Variants in IGSF21 observed in about 807,000 individuals in gnomAD.
The protein encoded by IGSF21 is immunoglobin superfamily member 21.
Under a neutral mutation model 46.8 loss-of-function variants are expected in IGSF21, and 28 were observed. The observed-to-expected ratio is 0.60, with a 90% CI of 0.44 to 0.82. IGSF21 has a LOEUF of 0.82. Ranked by LOEUF, IGSF21 falls within the 40% of genes least tolerant of loss-of-function variation. The pLI is 0.00. For synonymous variants in IGSF21, 284 were observed against 273.6 expected (o/e 1.04, Z -0.38); for missense variants, 624 against 665.5 (o/e 0.94, Z 0.69).
At chr1:18,254,031 T>C (rs2084866827) in intron 2 of IGSF21, among the ~76,000 whole-genome samples, 1 of 152,220 alleles carries the variant, frequency 6.6e-6, no homozygotes, top group Non-Finnish European at 1.5e-5. Flanking sequence ...CTAAGCATTT[T>C]AGACGTGATC....
At chr1:18,180,565 C>T (rs774924095) in intron 1 of IGSF21, among the ~76,000 whole-genome samples, 1 of 152,112 alleles carries the variant, frequency 6.6e-6, no homozygotes, top group African/African-American at 2.4e-5. Context: ...GTTTGGAAGG[C>T]GCAGTTATGG....
intron 1 of IGSF21, among the ~76,000 whole-genome samples, chr1:18,211,921 C>T (rs940158371): frequency 2.6e-5 from 4 of 152,212 alleles, no homozygotes; most frequent in East Asian, 1.9e-4. Flanking sequence ...GTGCAGAAAG[C>T]GAAACAGCAG....
Position 18,377,416 on chromosome 1 carries a change from A to G in IGSF21, c.1318A>G (p.Thr440Ala), listed in dbSNP as rs1569908465. The G allele has an allele frequency of 3.7e-6, 6 of 1,613,630 alleles. No individual in the cohort carries two copies. Among genetic ancestry groups the G allele is most frequent in the African/African-American group, 1.3e-5 (1 of 75,048 alleles). The change falls in exon 9 of 10, where the codon ACG becomes GCG. Residue 440 changes from threonine (T) to alanine (A), a missense_variant. By Grantham distance (58) the Thr-to-Ala change is moderately conservative. Coordinates refer to ENST00000251296, the MANE Select transcript of IGSF21 (RefSeq NM_032880.5). Reference sequence around the variant, plus strand: ...AGAAAACCCAAATATCCCAAGAGGAACGGAGGACTCTAATGGTAAGTCTCT... The same window carrying G: ...AGAAAACCCAAATATCCCAAGAGGAGCGGAGGACTCTAATGGTAAGTCTCT... Reference protein sequence around the residue: ...VFENPNIPRGTEDSNGSIGPT... With the variant: ...VFENPNIPRGAEDSNGSIGPT...
chr1:18,329,586 C>G (rs187480492), intron 3 of IGSF21, among the ~76,000 whole-genome samples: 29 of 152,258 alleles, frequency 1.9e-4, no homozygotes, highest in Middle Eastern at 3.4e-3. Context: ...GTATGTGCTC[C>G]CAGAGACAGA....
intron 1 of IGSF21, among the ~76,000 whole-genome samples, chr1:18,187,946 CAAGTG>C (rs1471631126): frequency 6.6e-6 from 1 of 152,100 alleles, no homozygotes; most frequent in East Asian, 1.9e-4. Context: ...AATGAACAAA[CAAGTG>C]AATACATGAA....
intron 1 of IGSF21, chr1:18,114,278 C>G (rs1006699394): frequency 2.6e-5 from 4 of 152,220 alleles, no homozygotes; most frequent in Non-Finnish European, 5.9e-5. Context: ...TTCCAATCCC[C>G]TGACCCACTA....
At chr1:18,313,946 C>T (rs2085515363) in intron 3 of IGSF21, among the ~76,000 whole-genome samples, 1 of 152,084 alleles carries the variant, frequency 6.6e-6, no homozygotes, top group South Asian at 2.1e-4. Flanking sequence ...ACAGCCGTCT[C>T]AGGAAGACGT....
intron 3 of IGSF21, among the ~76,000 whole-genome samples, chr1:18,295,276 C>G (rs1470753082): frequency 6.6e-6 from 1 of 152,182 alleles, no homozygotes; most frequent in Non-Finnish European, 1.5e-5. Context: ...GTCTTAGCCC[C>G]AGAGCCCAGA....
intron 2 of IGSF21, among the ~76,000 whole-genome samples, chr1:18,260,229 A>G (rs1557611987): frequency 6.6e-6 from 1 of 152,224 alleles, no homozygotes; most frequent in East Asian, 1.9e-4. Context: ...GTGAAAGCCC[A>G]ATGTCTGTCG....
intron 4 of IGSF21, among the ~76,000 whole-genome samples, chr1:18,346,827 G>T (rs2085898166): frequency 6.6e-6 from 1 of 152,180 alleles, no homozygotes; most frequent in Non-Finnish European, 1.5e-5. Context: ...GCTGGAGTGG[G>T]GGCTGCAGCC....
chr1:18,252,858 C>T (rs1034981056), intron 2 of IGSF21, among the ~76,000 whole-genome samples: 4 of 152,202 alleles, frequency 2.6e-5, no homozygotes, highest in Non-Finnish European at 1.5e-5. Context: ...CTTTAGACTT[C>T]CCTTTTAGAA....
chr1:18,284,766 C>T (rs1012187710), intron 2 of IGSF21, among the ~76,000 whole-genome samples: 5 of 152,198 alleles, frequency 3.3e-5, no homozygotes, highest in East Asian at 1.9e-4. Context: ...GCAGGTATCG[C>T]CTTAGGCTGT....
chr1:18,133,920 A>C (rs2086345530), intron 1 of IGSF21, among the ~76,000 whole-genome samples: 1 of 152,230 alleles, frequency 6.6e-6, no homozygotes, highest in Admixed American at 6.5e-5. Context: ...CTAAGCATAA[A>C]ATGAGAATAA....
intron 2 of IGSF21, among the ~76,000 whole-genome samples, chr1:18,229,750 A>G (rs561062030): frequency 6.6e-6 from 1 of 152,344 alleles, no homozygotes; most frequent in African/African-American, 2.4e-5. Context: ...CATGAACTGA[A>G]TCACTAAGAG....
intron 2 of IGSF21, among the ~76,000 whole-genome samples, chr1:18,242,676 TTACTC>T (rs1394239121): frequency 6.6e-6 from 1 of 152,220 alleles, no homozygotes; most frequent in Non-Finnish European, 1.5e-5. Flanking sequence ...TCAACCCTCT[TTACTC>T]TATGAATATC....
At chr1:18,280,548 G>C (rs181775179) in intron 2 of IGSF21, among the ~76,000 whole-genome samples, 2 of 152,254 alleles carry the variant, frequency 1.3e-5, no homozygotes, top group East Asian at 3.9e-4. Context: ...CACCTTCTAA[G>C]CACTTTATAG....
chr1:18,190,108 G>A (rs908155270), intron 1 of IGSF21, among the ~76,000 whole-genome samples: 8 of 152,172 alleles, frequency 5.3e-5, no homozygotes, highest in Non-Finnish European at 7.3e-5. Flanking sequence ...GAAGGTCACC[G>A]CCAGACCCAA....
intron 1 of IGSF21, among the ~76,000 whole-genome samples, chr1:18,191,062 C>A (rs780594857): frequency 1.3e-5 from 2 of 152,076 alleles, no homozygotes; most frequent in Non-Finnish European, 1.5e-5. Flanking sequence ...GGGGACCCTG[C>A]GAGGCTCCAG....
At chr1:18,357,009 G>A (rs1479423332) in intron 4 of IGSF21, among the ~76,000 whole-genome samples, 1 of 151,806 alleles carries the variant, frequency 6.6e-6, no homozygotes, top group Non-Finnish European at 1.5e-5. Context: ...GTGGAGATGG[G>A]GATAGAAATA....
Sources: gnomAD v4.1 joint callset for allele counts (sites outside exome capture counted in the v4.1 genomes callset) on GRCh38, gnomAD v4.1.1 for gene constraint, MANE v1.5 for transcripts, NCBI Gene and HGNC (gene_info 2026-07-23, HGNC 2026-07-21) for gene names.